Variants in SLC2A9 observed in about 807,000 individuals in gnomAD.
SLC2A9 encodes the protein solute carrier family 2 member 9, also known as solute carrier family 2, facilitated glucose transporter member 9.
Under a neutral mutation model 50.6 loss-of-function variants are expected in SLC2A9, and 39 were observed. The observed-to-expected ratio is 0.77, with a 90% confidence interval of 0.60 to 1.01. The LOEUF (loss-of-function observed/expected upper bound fraction) is 1.01, where lower values mean the gene tolerates loss of function less well. Among genes scored for constraint, SLC2A9 ranks in the 50% least tolerant of loss-of-function variants. The pLI is 0.00. For synonymous variants in SLC2A9, 324 were observed against 276.9 expected (o/e 1.17, Z -1.69); for missense variants, 686 against 677.6 (o/e 1.01, Z -0.14).
chr4:9,935,070 G>T (rs1359879028), intron 6 of SLC2A9, among the ~76,000 whole-genome samples: 7 of 152,128 alleles, frequency 4.6e-5, no homozygotes, highest in Admixed American at 6.5e-5. Flanking sequence ...ATGGGCATTT[G>T]GATTGGTTCC....
intron 7 of SLC2A9, 53 bp from the exon 8 acceptor site, chr4:9,908,398 C>T (rs889845657): frequency 1.5e-6 from 2 of 1,318,316 alleles, no homozygotes; most frequent in Admixed American, 1.7e-5. Context: ...AGGACTTAAT[C>T]TATTTTCTAA....
chr4:9,857,859 C>G (rs1290823937), intron 10 of SLC2A9, among the ~76,000 whole-genome samples: 1 of 152,200 alleles, frequency 6.6e-6, no homozygotes, highest in Non-Finnish European at 1.5e-5. Context: ...CACTTCCCAG[C>G]TTTTCAAAGT....
At position 10,031,859 on chromosome 4, in the gene SLC2A9, CCTGGGAATGCA is replaced by C. The variant is rs1763949423; in HGVS notation, c.-40-5864_-40-5854del. Among the ~76,000 whole-genome samples the C allele has an allele frequency of 3.3e-5, 5 of 152,242 alleles. No homozygotes were observed. In the South Asian group the frequency reaches 1.0e-3, roughly 32 times the overall value. ...GCTGATTAAGATTTAGCCACTGTCC[CCTGGGAATGCA>C]CTGGGAATGAGGGTCACCAAGAGGT... is the stretch of plus-strand genomic sequence containing the variant. On this transcript the variant is annotated intron_variant, in intron 1 of 12. Coordinates refer to the SLC2A9 transcript ENST00000309065.
chr4:9,939,629 T>C (rs1326392603), intron 6 of SLC2A9, among the ~76,000 whole-genome samples: 1 of 152,048 alleles, frequency 6.6e-6, no homozygotes, highest in Admixed American at 6.6e-5. Flanking sequence ...GGAATAAAAA[T>C]ATTACCTACT....
intron 10 of SLC2A9, among the ~76,000 whole-genome samples, chr4:9,887,161 A>G (rs939742929): frequency 2.6e-5 from 4 of 152,246 alleles, no homozygotes; most frequent in African/African-American, 7.2e-5. Flanking sequence ...TTAGCCAAGT[A>G]TAACACAAAA....
chr4:9,797,635 A>G (rs1165692512), downstream of SLC2A9, among the ~76,000 whole-genome samples: 2 of 152,210 alleles, frequency 1.3e-5, no homozygotes, highest in South Asian at 2.1e-4. Context: ...TCAGTTAATT[A>G]TCCATAAACT....
intron 10 of SLC2A9, among the ~76,000 whole-genome samples, chr4:9,842,438 G>C (rs751750719): frequency 3.2e-4 from 49 of 152,220 alleles, no homozygotes; most frequent in Non-Finnish European, 5.3e-4. Context: ...AAAAATACTT[G>C]GCACACCTTA....
At chr4:9,822,469 T>C (rs1724537681), downstream of SLC2A9, among the ~76,000 whole-genome samples, 1 of 152,200 alleles carries the variant, frequency 6.6e-6, no homozygotes, top group South Asian at 2.1e-4. Flanking sequence ...ATTCCTCTTG[T>C]TTCAAAATCT....
chr4:9,992,557 A>C (rs1021020367), intron 3 of SLC2A9, among the ~76,000 whole-genome samples: 2 of 152,188 alleles, frequency 1.3e-5, no homozygotes, highest in African/African-American at 4.8e-5. Flanking sequence ...CTCAAGTCAA[A>C]GAGATTCATG....
At chr4:9,971,376 T>C (rs1753888078) in intron 5 of SLC2A9, among the ~76,000 whole-genome samples, 1 of 152,238 alleles carries the variant, frequency 6.6e-6, no homozygotes, top group Non-Finnish European at 1.5e-5. Flanking sequence ...TTGTTAAATT[T>C]CTACAGAACA....
At chr4:9,899,373 A>G (rs546356796) in intron 8 of SLC2A9, among the ~76,000 whole-genome samples, 1 of 152,392 alleles carries the variant, frequency 6.6e-6, no homozygotes, top group East Asian at 1.9e-4. Flanking sequence ...GGTACATTAC[A>G]TGAAAAGCAA....
At chr4:9,829,070 C>T (rs190851743) in intron 11 of SLC2A9, among the ~76,000 whole-genome samples, 10 of 152,220 alleles carry the variant, frequency 6.6e-5, no homozygotes, top group Admixed American at 1.3e-4. Flanking sequence ...TGATGGGTGT[C>T]GTGAGGATTA....
intron 7 of SLC2A9, among the ~76,000 whole-genome samples, chr4:9,919,576 G>T (rs1743526945): frequency 1.3e-5 from 2 of 152,138 alleles, no homozygotes; most frequent in South Asian, 2.1e-4. Flanking sequence ...CCTTTGGAAG[G>T]GTGCTGGCGG....
intron 9 of SLC2A9, 56 bp from the exon 10 acceptor site, chr4:9,887,698 T>A: frequency 7.3e-7 from 1 of 1,369,198 alleles, no homozygotes; most frequent in East Asian, 2.8e-5. Context: ...CCGGAGGACC[T>A]GAGTTCCCAC....
chr4:9,820,519 T>A (rs1724255765), intron 3 of SLC2A9, among the ~76,000 whole-genome samples: 2 of 152,256 alleles, frequency 1.3e-5, no homozygotes, highest in African/African-American at 4.8e-5. Context: ...AATCTATAGA[T>A]AAATGGAAGA....
Position 9,962,383 on chromosome 4 carries a change from A to T in SLC2A9, c.681+18209T>A, listed in dbSNP as rs572595096. On this transcript the variant is annotated intron_variant, in intron 5 of 11. Transcript: ENST00000264784. The stretch of plus-strand genomic sequence containing the variant: ...ACATATATACTATGGAATACTATGC[A>T]GCCATAAAAAAGAACAAAATCATAT... Among the ~76,000 whole-genome samples the T allele has an allele frequency of 1.1e-4, 17 of 152,372 alleles. No individual in the cohort carries two copies. In the South Asian group the frequency reaches 3.5e-3, roughly 32 times the overall value.
chr4:9,821,377 C>T (rs576862760), downstream of SLC2A9, among the ~76,000 whole-genome samples: 9 of 151,862 alleles, frequency 5.9e-5, no homozygotes, highest in East Asian at 1.2e-3. Flanking sequence ...ATCCATCAAT[C>T]TCAGCAAACT....
downstream of SLC2A9, among the ~76,000 whole-genome samples, chr4:9,778,722 G>A (rs1488625971): frequency 6.6e-6 from 1 of 152,186 alleles, no homozygotes; most frequent in East Asian, 1.9e-4. Flanking sequence ...CACCGCCCAG[G>A]TCAAGAAACT....
intron 9 of SLC2A9, among the ~76,000 whole-genome samples, chr4:9,888,960 G>A (rs529489010): frequency 9.2e-5 from 14 of 152,328 alleles, no homozygotes; most frequent in Non-Finnish European, 1.6e-4. Flanking sequence ...GCCCCTGGGT[G>A]CCAGGCACTG....
Sources: gnomAD v4.1 joint callset for allele counts (sites outside exome capture counted in the v4.1 genomes callset) on GRCh38, gnomAD v4.1.1 for gene constraint, MANE v1.5 for transcripts, NCBI Gene and HGNC (gene_info 2026-07-23, HGNC 2026-07-21) for gene names.